GRAMD1A: variants seen among roughly 807,000 people sequenced by gnomAD.
GRAMD1A encodes the protein protein Aster-A.
GRAMD1A carries 50 observed loss-of-function variants against 92.0 expected under a neutral mutation model. The observed-to-expected ratio is 0.54, with a 90% CI of 0.43 to 0.69. GRAMD1A has a LOEUF of 0.69. Among genes scored for constraint, GRAMD1A ranks in the 30% least tolerant of loss-of-function variants. GRAMD1A has a pLI of 0.00. For synonymous variants in GRAMD1A, 405 were observed against 403.6 expected, an observed-to-expected ratio of 1.00 and a Z score of -0.04; for missense variants, 819 against 978.9, an observed-to-expected ratio of 0.84 and a Z score of 2.18.
chr19:35,009,360 G>C (rs751460007), intron 2 of GRAMD1A, 31 bp downstream of exon 2: 1 of 1,613,622 alleles, frequency 6.2e-7, no homozygotes, highest in Admixed American at 1.7e-5. Flanking sequence ...GGTGGGGAGA[G>C]GGCTAGTGGG....
At position 35,023,351 on chromosome 19, in the gene GRAMD1A, G is replaced by T. The variant is rs374800767; in HGVS notation, c.1961+8G>T. The T allele has an allele frequency of 6.2e-7, 1 of 1,613,966 alleles. No individual in the cohort carries two copies. The highest frequency in any genetic ancestry group is 8.5e-7 in the Non-Finnish European group (1 of 1,179,820). On this transcript the variant is annotated splice_region_variant and intron_variant, in intron 18 of 19. Coordinates refer to ENST00000317991, the MANE Select transcript of GRAMD1A (RefSeq NM_020895.5). Reference sequence around the variant, plus strand: ...CCTGGCCCTGGCCAAGGGGTGAGTGGGTAGCCTGGGGAAATGGGGGGGCTT... The same window carrying T: ...CCTGGCCCTGGCCAAGGGGTGAGTGTGTAGCCTGGGGAAATGGGGGGGCTT...
At position 35,023,671 on chromosome 19, in the gene GRAMD1A, A is replaced by G. The variant is rs2016246430; in HGVS notation, c.2082+124A>G. ...AGTGTCCTCCTCTGTAAAATGAGGA[A>G]GCCGCTCAGAGTCCCCACCCCACAG... On this transcript the variant is annotated intron_variant, in intron 19 of 19. Coordinates refer to ENST00000317991, the MANE Select transcript of GRAMD1A (RefSeq NM_020895.5). The G allele has an allele frequency of 5.7e-6, 5 of 881,574 alleles. No individual in the cohort carries two copies. In the South Asian group the frequency reaches 1.0e-4, roughly 18 times the overall value. The allele number at this position is 881,574 out of a possible 1,614,324, so 54.6% of individuals were successfully genotyped here. A position where few individuals can be genotyped will look rare whatever the true frequency, so the allele number is the denominator to read the frequency against.
chr19:34,995,040 C>T (rs2013972450), intron 1 of GRAMD1A, among the ~76,000 whole-genome samples: 1 of 152,222 alleles, frequency 6.6e-6, no homozygotes, highest in Non-Finnish European at 1.5e-5. Flanking sequence ...ATCACAGCCA[C>T]AGAGCAGAAA....
At chr19:35,011,857 G>C (rs2015265686) in intron 7 of GRAMD1A, among the ~76,000 whole-genome samples, 1 of 152,170 alleles carries the variant, frequency 6.6e-6, no homozygotes, top group Non-Finnish European at 1.5e-5. Context: ...GGTCATCACA[G>C]GATGCCGGCT....
upstream of GRAMD1A, chr19:35,000,199 C>T (rs1015338277): frequency 9.8e-7 from 1 of 1,016,436 alleles, no homozygotes; most frequent in Non-Finnish European, 1.2e-6. The surrounding 1 kb of genome is among the most constrained non-coding windows in gnomAD (Gnocchi z 4.9). Flanking sequence ...GCTTCTCCCT[C>T]CTTCTAGGCC....
chr19:35,018,250 A>C (rs2015783163), intron 11 of GRAMD1A, among the ~76,000 whole-genome samples: 1 of 152,058 alleles, frequency 6.6e-6, no homozygotes, highest in East Asian at 1.9e-4. Flanking sequence ...GGCCTCCCAA[A>C]TTTCCCGAAG....
In GRAMD1A at chr19:35,023,446, AC is replaced by A; in HGVS notation, c.1982del (p.Thr661LysfsTer35). On this transcript the variant is annotated frameshift_variant, in exon 19 of 20. Transcript: ENST00000317991. LOFTEE classifies it high-confidence loss of function. ...LAKGKFPQTA[T>X]EWAEILALQK... Reference sequence around the variant, plus strand: ...CCACAGCAAGTTCCCCCAGACGGCCACAGAGTGGGCCGAGATCCTGGCGCTG... The same window carrying A: ...CCACAGCAAGTTCCCCCAGACGGCCAAGAGTGGGCCGAGATCCTGGCGCTG... 6.3e-7 allele frequency: 1 copy of A among 1,591,960 alleles called. No homozygotes were observed. The highest frequency in any genetic ancestry group is 8.6e-7 in the Non-Finnish European group (1 of 1,168,442).
intron 9 of GRAMD1A, 71 bp from the exon 10 acceptor site, chr19:35,014,118 G>A (rs1289631726): frequency 1.5e-6 from 2 of 1,372,750 alleles, no homozygotes; most frequent in East Asian, 2.3e-5. Flanking sequence ...AATCCTTGTG[G>A]CCAGTGTGGA....
At chr19:35,001,185 C>T (rs2014341096) in intron 1 of GRAMD1A, 1 of 152,244 alleles carries the variant, frequency 6.6e-6, no homozygotes, top group Non-Finnish European at 1.5e-5. Flanking sequence ...CTTTGGGCCT[C>T]TGATAGAGTT....
At chr19:34,999,128 C>T (rs2014172608), upstream of GRAMD1A, among the ~76,000 whole-genome samples, 1 of 151,984 alleles carries the variant, frequency 6.6e-6, no homozygotes, top group African/African-American at 2.4e-5. Flanking sequence ...GGAGATCAGG[C>T]AGGAGAGGAT....
In GRAMD1A at chr19:35,009,212, G is replaced by GCCAGAA; in HGVS notation, c.107_112dup (p.Glu36_Pro37dup). 6.2e-7 allele frequency: 1 copy of GCCAGAA among 1,613,918 alleles called. No homozygotes were observed. The highest frequency in any genetic ancestry group is 8.5e-7 in the Non-Finnish European group (1 of 1,179,804). On this transcript the variant is annotated inframe_insertion, in exon 2 of 20. Coordinates refer to ENST00000317991, the MANE Select transcript of GRAMD1A (RefSeq NM_020895.5). Reference sequence around the variant, plus strand: ...TGCCCCCAAGCCGGCCCCCACCTGAGCCAGAACCAGGCACCATGGTGGAGA... The same window carrying GCCAGAA: ...TGCCCCCAAGCCGGCCCCCACCTGAGCCAGAACCAGAACCAGGCACCATGGTGGAGA...
intron 1 of GRAMD1A, chr19:35,002,573 G>C (rs1181835072): frequency 6.6e-6 from 1 of 152,162 alleles, no homozygotes; most frequent in East Asian, 1.9e-4. Context: ...GCTAATTTTT[G>C]TATTTTTAGT....
At position 35,019,231 on chromosome 19, in the gene GRAMD1A, C is replaced by T. The variant is rs1773061319; in HGVS notation, c.1254C>T (p.His418=). The change falls in exon 12 of 20, where the codon CAC becomes CAT. Residue 418 remains histidine (H), a synonymous_variant. Transcript: ENST00000317991. ...CCTGGAGTGGGGACAGCAAGTGCCA[C>T]CAGCGCCGGGTGCTGACGTACACCA... is the stretch of plus-strand genomic sequence containing the variant. ...LSPWSGDSKC[H]QRRVLTYTIP... is the part of the protein sequence containing the mutation. 2.5e-6 allele frequency: 4 copies of T among 1,613,334 alleles called. No homozygotes were observed. Among genetic ancestry groups the T allele is most frequent in the Non-Finnish European group, 3.4e-6 (4 of 1,179,456 alleles).
At chr19:35,003,474 C>G (rs1362707453) in intron 1 of GRAMD1A, among the ~76,000 whole-genome samples, 1 of 152,096 alleles carries the variant, frequency 6.6e-6, no homozygotes, top group African/African-American at 2.4e-5. Context: ...CCGCAGGGTC[C>G]GCCCTTGAGT....
chr19:35,021,359 G>GCT lies in GRAMD1A; in HGVS notation c.1476-143_1476-142insCT. ...TATGGGGTATCCAGGGAAGCCATGG[G>GCT]GGGTAGGGAACCCATCTGTTTTGTC... On this transcript the variant is annotated intron_variant, in intron 13 of 19. Coordinates refer to ENST00000317991, the MANE Select transcript of GRAMD1A (RefSeq NM_020895.5). The surrounding 1 kb of genome is among the most constrained non-coding windows in gnomAD (Gnocchi z 5.3). The GCT allele has an allele frequency of 4.6e-6, 3 of 657,016 alleles. No homozygotes were observed. The highest frequency in any genetic ancestry group is 5.5e-6 in the Non-Finnish European group (2 of 364,622). 40.7% of individuals were successfully genotyped at this position (657,016 alleles called of 1,614,324 possible). A position where few individuals can be genotyped will look rare whatever the true frequency, so the allele number is the denominator to read the frequency against.
Position 35,021,524 on chromosome 19 carries a change from C to G in GRAMD1A, c.1498C>G (p.Arg500Gly), listed in dbSNP as rs756850258. ...CAGAGTGTCTTCTGAGATCCGCTAC[C>G]GAAAGCAGCCGTGGAGCCTGGTGAA... is the stretch of plus-strand genomic sequence containing the variant. Reference protein sequence around the residue: ...RLRVSSEIRYRKQPWSLVKSL... With the variant: ...RLRVSSEIRYGKQPWSLVKSL... Residue 500 changes from arginine to glycine, a missense_variant, in exon 14 of 20, where the codon CGA becomes GGA. Arg to Gly is a moderately radical substitution (Grantham distance 125). Coordinates refer to ENST00000317991, the MANE Select transcript of GRAMD1A (RefSeq NM_020895.5). The surrounding 1 kb of genome is among the most constrained non-coding windows in gnomAD (Gnocchi z 5.3). 6.2e-7 allele frequency: 1 copy of G among 1,613,982 alleles called. No individual in the cohort carries two copies. Among genetic ancestry groups the G allele is most frequent in the Admixed American group, 1.7e-5 (1 of 60,028 alleles).
At chr19:35,018,924 G>A (rs1033011004) in intron 11 of GRAMD1A, among the ~76,000 whole-genome samples, 2 of 151,728 alleles carry the variant, frequency 1.3e-5, no homozygotes, top group Non-Finnish European at 2.9e-5. Flanking sequence ...GACCTTCCAG[G>A]GGAAGGTGTT....
chr19:35,000,508 C>A lies in GRAMD1A; in HGVS notation c.8+22C>A. On this transcript the variant is annotated intron_variant, in intron 1 of 19. Transcript: ENST00000317991. This position sits in a 1 kb window ranked among gnomAD's most constrained non-coding sequence, Gnocchi z 4.9. ...TCGAGTAAGGACCGGGCGACTAGAG[C>A]TCAGGGACCGGGCGCGCGGGGGAGG... The A allele has an allele frequency of 7.9e-7, 1 of 1,265,658 alleles. No homozygotes were observed. The highest frequency in any genetic ancestry group is 2.6e-5 in the South Asian group (1 of 37,842). 78.4% of individuals were successfully genotyped at this position (1,265,658 alleles called of 1,614,324 possible). A position where few individuals can be genotyped will look rare whatever the true frequency, so the allele number is the denominator to read the frequency against.
intron 7 of GRAMD1A, among the ~76,000 whole-genome samples, chr19:35,011,926 C>CA (rs1261948787): frequency 6.6e-6 from 1 of 152,182 alleles, no homozygotes; most frequent in Non-Finnish European, 1.5e-5. Context: ...GAGCGGCACT[C>CA]ACGCGCTGCC....
Sources: allele counts gnomAD v4.1 joint callset (sites outside exome capture counted in the v4.1 genomes callset), GRCh38; gene constraint gnomAD v4.1.1; non-coding constraint Gnocchi (gnomAD v3.1); transcripts MANE v1.5; gene names NCBI Gene and HGNC (gene_info 2026-07-23, HGNC 2026-07-21).